TAMM41: variants seen among roughly 807,000 people sequenced by gnomAD.
TAMM41 encodes the protein phosphatidate cytidylyltransferase, mitochondrial.
Under a neutral mutation model 44.1 loss-of-function variants are expected in TAMM41, and 36 were observed. The ratio of observed to expected loss-of-function variants is 0.82; its 90% CI spans 0.63 to 1.08. TAMM41 has a LOEUF of 1.08. Ranked by LOEUF, TAMM41 falls within the 50% of genes least tolerant of loss-of-function variation. The pLI is 0.00. For missense variants in TAMM41, 417 were observed against 404.3 expected (o/e 1.03, Z -0.27); for synonymous variants, 164 against 153.1 (o/e 1.07, Z -0.53).
the TAMM41 span, among the ~76,000 whole-genome samples, chr3:11,768,159 A>G: frequency 1.4e-5 from 2 of 145,870 alleles, no homozygotes; most frequent in Non-Finnish European, 1.5e-5. Context: ...TTTTTTTGAG[A>G]TGGGGTTTCA....
the TAMM41 span, among the ~76,000 whole-genome samples, chr3:11,747,581 A>G: frequency 6.6e-6 from 1 of 151,664 alleles, no homozygotes; most frequent in African/African-American, 2.4e-5. Context: ...CCCCTGGGCA[A>G]TATAGCGAGA....
the TAMM41 span, among the ~76,000 whole-genome samples, chr3:11,730,417 CAAAAA>C: frequency 2.0e-5 from 2 of 99,234 alleles, no homozygotes; most frequent in African/African-American, 7.0e-5. Flanking sequence ...TACTTCATCT[CAAAAA>C]AAAAAAAAAA....
At chr3:11,825,464 C>T (rs1297872644) in intron 4 of TAMM41, among the ~76,000 whole-genome samples, 2 of 152,180 alleles carry the variant, frequency 1.3e-5, no homozygotes, top group African/African-American at 4.8e-5. Flanking sequence ...GCTTCATCAC[C>T]ACAGAATAAA....
At chr3:11,834,250 A>T (rs2079090234) in intron 3 of TAMM41, among the ~76,000 whole-genome samples, 1 of 152,186 alleles carries the variant, frequency 6.6e-6, no homozygotes. Context: ...AATAAAATTA[A>T]AATAAAATAA....
chr3:11,723,755 A>C, the TAMM41 span, among the ~76,000 whole-genome samples: 1 of 152,212 alleles, frequency 6.6e-6, no homozygotes, highest in African/African-American at 2.4e-5. Context: ...AACTGGGCAA[A>C]TCAAAAAGAA....
At chr3:11,777,376 T>G in the TAMM41 span, among the ~76,000 whole-genome samples, 4 of 152,110 alleles carry the variant, frequency 2.6e-5, no homozygotes, top group African/African-American at 9.7e-5. Flanking sequence ...CAAAAAGGAG[T>G]TGAGGTACTA....
chr3:11,807,081 A>G (rs1227794445), intron 7 of TAMM41: 1 of 784,048 alleles, frequency 1.3e-6, no homozygotes, highest in Non-Finnish European at 1.5e-6. Flanking sequence ...TTACTGGAAA[A>G]TGTGCTTCAC....
the TAMM41 span, among the ~76,000 whole-genome samples, chr3:11,773,736 T>C: frequency 6.6e-6 from 1 of 152,246 alleles, no homozygotes; most frequent in Non-Finnish European, 1.5e-5. Flanking sequence ...CCAACCTAGA[T>C]GCTAAATCCA....
intron 3 of TAMM41, among the ~76,000 whole-genome samples, chr3:11,838,768 C>T (rs777962007): frequency 3.8e-4 from 57 of 151,998 alleles, no homozygotes; most frequent in Non-Finnish European, 4.7e-4. Context: ...GGTGATTGGC[C>T]CAATCTCCAG....
chr3:11,845,884 A>G (rs1312134575), intron 1 of TAMM41, among the ~76,000 whole-genome samples: 2 of 152,270 alleles, frequency 1.3e-5, no homozygotes, highest in Non-Finnish European at 2.9e-5. Flanking sequence ...ACCGTTGTTA[A>G]AAGTGCTGAG....
chr3:11,808,521 T>C (rs1194386956), intron 6 of TAMM41: 4 of 985,678 alleles, frequency 4.1e-6, no homozygotes, highest in South Asian at 4.7e-5. Context: ...TGCAGTGCGA[T>C]GGTCTTTGCA....
chr3:11,840,927 T>G (rs2079407891), intron 2 of TAMM41, among the ~76,000 whole-genome samples: 1 of 152,120 alleles, frequency 6.6e-6, no homozygotes, highest in Non-Finnish European at 1.5e-5. Context: ...TTCCTTTAAT[T>G]AGAAGTTTTC....
At chr3:11,735,121 AG>A in the TAMM41 span, among the ~76,000 whole-genome samples, 1 of 151,782 alleles carries the variant, frequency 6.6e-6, no homozygotes, top group African/African-American at 2.4e-5. Flanking sequence ...GCACTTTGGG[AG>A]GCTGAGAAGG....
intron 4 of TAMM41, among the ~76,000 whole-genome samples, chr3:11,829,405 C>T (rs1039066330): frequency 1.3e-5 from 2 of 152,004 alleles, no homozygotes; most frequent in Admixed American, 1.3e-4. Flanking sequence ...TTAAAATTGG[C>T]GAATCTGGGA....
the TAMM41 span, among the ~76,000 whole-genome samples, chr3:11,777,950 C>T: frequency 6.6e-6 from 1 of 152,166 alleles, no homozygotes; most frequent in Non-Finnish European, 1.5e-5. Context: ...TTCCGGCCCT[C>T]AGCAGCCACA....
At chr3:11,768,532 GTT>G in the TAMM41 span, among the ~76,000 whole-genome samples, 1 of 152,172 alleles carries the variant, frequency 6.6e-6, no homozygotes, top group African/African-American at 2.4e-5. Context: ...AAAAACATAT[GTT>G]TTATGCAATT....
downstream of TAMM41, among the ~76,000 whole-genome samples, chr3:11,786,584 T>C (rs1006111392): frequency 2.6e-5 from 4 of 152,200 alleles, no homozygotes; most frequent in East Asian, 7.7e-4. Context: ...ATTACAGGCG[T>C]GAGCCACTGC....
the TAMM41 span, among the ~76,000 whole-genome samples, chr3:11,728,661 C>T: frequency 0.29 from 44,432 of 152,022 alleles, 6,728 homozygotes; most frequent in Middle Eastern, 0.37. Flanking sequence ...GGCGATTAGT[C>T]GAAGAGCTGT....
chr3:11,767,793 T>A, the TAMM41 span, among the ~76,000 whole-genome samples: 20 of 151,388 alleles, frequency 1.3e-4, no homozygotes, highest in African/African-American at 4.4e-4. Context: ...ACCTGGCTAA[T>A]TTTTGAATTT....
Sources: allele counts gnomAD v4.1 joint callset (sites outside exome capture counted in the v4.1 genomes callset), GRCh38; gene constraint gnomAD v4.1.1; transcripts MANE v1.5; gene names NCBI Gene and HGNC (gene_info 2026-07-23, HGNC 2026-07-21).